RTL1: variants seen among roughly 807,000 people sequenced by gnomAD.
The protein encoded by RTL1 is retrotransposon Gag like 1, also known as retrotransposon-like protein 1.
For missense variants in RTL1, 1,681 were observed against 1,767.5 expected, an observed-to-expected ratio of 0.95 and a Z score of 0.88; for synonymous variants, 727 against 748.4, an observed-to-expected ratio of 0.97 and a Z score of 0.47.
At chr14:100,888,514 C>T (rs1016258410) in intron 3 of RTL1, among the ~76,000 whole-genome samples, 2 of 152,142 alleles carry the variant, frequency 1.3e-5, no homozygotes, top group Non-Finnish European at 2.9e-5. Flanking sequence ...ATCATGTCAT[C>T]CCTTAAAGTC....
rs1354470795 is a variant in RTL1 at position 100,882,355 on chromosome 14, A to T, written c.2434T>A (p.Phe812Ile). 2.6e-5 allele frequency: 40 copies of T among 1,551,554 alleles called. No individual in the cohort carries two copies. The highest frequency in any genetic ancestry group is 3.5e-5 in the Non-Finnish European group (40 of 1,146,970). The stretch of plus-strand genomic sequence containing the variant: ...CGGTAGGGGAAGACGAATTCGATGA[A>T]GTTTCGCAGAGATAGCTTGGAGCCA... ...TPGSKLSLRN[F>I]IEFVFPYRHF... The change falls in exon 4 of 4, where the codon TTC becomes ATC. Residue 812 changes from phenylalanine to isoleucine, a missense_variant. Coordinates refer to ENST00000649591, the MANE Select transcript of RTL1 (RefSeq NM_001134888.3).
intron 2 of RTL1, among the ~76,000 whole-genome samples, chr14:100,894,526 G>T (rs1257477834): frequency 2.0e-5 from 3 of 152,154 alleles, no homozygotes; most frequent in African/African-American, 4.8e-5. Flanking sequence ...ACCCCATGGG[G>T]TTTTTGTCCT....
chr14:100,883,079 T>C lies in RTL1; in HGVS notation c.1710A>G (p.Glu570=), dbSNP rs1462432516. 6.2e-7 allele frequency: 1 copy of C among 1,614,032 alleles called. No individual in the cohort carries two copies. The highest frequency in any genetic ancestry group is 1.1e-5 in the South Asian group (1 of 91,028). ...SDLADVFNPK[E]ADDETSDQPS... is the part of the protein sequence containing the mutation. ...GCTGGTCGGAAGTCTCATCATCTGCTTCCTTCGGGTTAAACACGTCGGCCA... is the reference window on the plus strand; with the variant it reads ...GCTGGTCGGAAGTCTCATCATCTGCCTCCTTCGGGTTAAACACGTCGGCCA... Residue 570 remains glutamate (E), a synonymous_variant, in exon 4 of 4, where the codon GAA becomes GAG. Coordinates refer to ENST00000649591, the MANE Select transcript of RTL1 (RefSeq NM_001134888.3). This position sits in a 1 kb window ranked among gnomAD's most constrained non-coding sequence, Gnocchi z 5.9.
intron 3 of RTL1, among the ~76,000 whole-genome samples, chr14:100,889,010 G>A (rs1241906387): frequency 4.6e-5 from 7 of 152,078 alleles, no homozygotes; most frequent in East Asian, 1.9e-4. Flanking sequence ...TCCCAAAGCC[G>A]TTACCCGTAA....
At chr14:100,887,331 T>C (rs557318089) in intron 3 of RTL1, among the ~76,000 whole-genome samples, 6 of 152,246 alleles carry the variant, frequency 3.9e-5, no homozygotes, top group Non-Finnish European at 4.4e-5. Flanking sequence ...TGCTTAAAGC[T>C]TTATTCTATC....
chr14:100,888,516 CT>C (rs1341342843), intron 3 of RTL1, among the ~76,000 whole-genome samples: 2 of 152,280 alleles, frequency 1.3e-5, no homozygotes, highest in Admixed American at 1.3e-4. Flanking sequence ...CATGTCATCC[CT>C]TAAAGTCAAA....
rs1275680704 is a variant in RTL1 at position 100,884,140 on chromosome 14, T to C, written c.649A>G (p.Ile217Val). The C allele has an allele frequency of 1.2e-5, 19 of 1,551,632 alleles. No individual in the cohort carries two copies. Among genetic ancestry groups the C allele is most frequent in the African/African-American group, 4.1e-5 (3 of 73,068 alleles). The change falls in exon 4 of 4, where the codon ATC becomes GTC. Residue 217 changes from isoleucine to valine, a missense_variant. By Grantham distance (29) the Ile-to-Val change is conservative. Coordinates refer to ENST00000649591, the MANE Select transcript of RTL1 (RefSeq NM_001134888.3). Reference protein sequence around the residue: ...SGDRREFHEFIVLCQLTLQSY... With the variant: ...SGDRREFHEFVVLCQLTLQSY... The stretch of plus-strand genomic sequence containing the variant: ...TGTAAGGTCAGTTGGCAGAGTACGA[T>C]GAACTCGTGGAATTCTCTGCGATCG...
At chr14:100,896,106 T>C (rs1002018762) in intron 2 of RTL1, among the ~76,000 whole-genome samples, 2 of 151,292 alleles carry the variant, frequency 1.3e-5, no homozygotes, top group East Asian at 1.9e-4. Flanking sequence ...TGCAAAACTA[T>C]AGCAATCACC....
In RTL1 at chr14:100,883,358, C is replaced by A. The variant is rs780011960; in HGVS notation, c.1431G>T (p.Glu477Asp). ...GGTTCTGGTGGATACACACCAGGGG[C>A]TCCGTGTAGAGCCAGACAGGCTCGT... is the stretch of plus-strand genomic sequence containing the variant. ...IGNEPVWLYT[E>D]PLVCIHQNHQ... The change falls in exon 4 of 4, where the codon GAG (glutamate) becomes GAT (aspartate). Residue 477 changes from glutamate (E) to aspartate (D), a missense_variant. Physicochemically the swap from Glu to Asp is conservative, Grantham distance 45. Coordinates refer to ENST00000649591, the MANE Select transcript of RTL1 (RefSeq NM_001134888.3). The surrounding 1 kb of genome is among the most constrained non-coding windows in gnomAD (Gnocchi z 5.9). 4 of 1,551,434 alleles carry A rather than the reference C, an allele frequency of 2.6e-6. No individual in the cohort carries two copies. The highest frequency in any genetic ancestry group is 3.5e-6 in the Non-Finnish European group (4 of 1,146,868).
chr14:100,884,468 G>A lies in RTL1; in HGVS notation c.321C>T (p.His107=), dbSNP rs761019821. 6 of 1,614,174 alleles carry A rather than the reference G, an allele frequency of 3.7e-6. No individual in the cohort carries two copies. The highest frequency in any genetic ancestry group is 2.2e-5 in the East Asian group (1 of 44,874). The change falls in exon 4 of 4, where the codon CAC becomes CAT. Residue 107 remains histidine, a synonymous_variant. Coordinates refer to ENST00000649591, the MANE Select transcript of RTL1 (RefSeq NM_001134888.3). ...QDLEESCNGS[H]QARGDPLSGA... is the part of the protein sequence containing the mutation. ...CACTGAGTGGATCCCCCCTTGCCTG[G>A]TGTGAACCGTTGCATGACTCCTCCA...
chr14:100,890,942 C>T (rs1400715808), intron 3 of RTL1, among the ~76,000 whole-genome samples: 1 of 152,088 alleles, frequency 6.6e-6, no homozygotes, highest in Non-Finnish European at 1.5e-5. Context: ...TTGTTGAACT[C>T]GTGTCAAGGT....
chr14:100,895,299 G>C (rs2038840060), intron 2 of RTL1, among the ~76,000 whole-genome samples: 2 of 152,146 alleles, frequency 1.3e-5, no homozygotes, highest in Admixed American at 1.3e-4. Context: ...AGGGGAGATG[G>C]ATGACTGTGG....
At chr14:100,901,646 CCACT>C (rs997780691) in intron 2 of RTL1, among the ~76,000 whole-genome samples, 3 of 152,234 alleles carry the variant, frequency 2.0e-5, no homozygotes, top group Non-Finnish European at 4.4e-5. Flanking sequence ...CTCGCTCCTT[CCACT>C]CACTCTGCCA....
At position 100,883,199 on chromosome 14, in the gene RTL1, G is replaced by A. The variant is rs373673512; in HGVS notation, c.1590C>T (p.Cys530=). The change falls in exon 4 of 4, where the codon TGC becomes TGT. Residue 530 remains cysteine, a synonymous_variant. Coordinates refer to ENST00000649591, the MANE Select transcript of RTL1 (RefSeq NM_001134888.3). The surrounding 1 kb of genome is among the most constrained non-coding windows in gnomAD (Gnocchi z 5.9). ...KGRCTFHSPY[C]LKNCFRPPPP... is the part of the protein sequence containing the mutation. Reference sequence around the variant, plus strand: ...GGGGCGGGCGGAAGCAGTTCTTCAGGCAGTAGGGAGAGTGGAAGGTGCAGC... The same window carrying A: ...GGGGCGGGCGGAAGCAGTTCTTCAGACAGTAGGGAGAGTGGAAGGTGCAGC... The A allele has an allele frequency of 1.4e-4, 225 of 1,559,986 alleles. No individual in the cohort carries two copies. The highest frequency in any genetic ancestry group is 1.7e-4 in the Non-Finnish European group (193 of 1,150,378).
chr14:100,883,122 G>T lies in RTL1; in HGVS notation c.1667C>A (p.Pro556Gln). ...RHGMSLLPGL[P>Q]HPYSDLADVF... Reference sequence around the variant, plus strand: ...GTCGGCCAGGTCTGAGTATGGGTGTGGCAGTCCGGGTAGCAGGCTCATGCC... The same window carrying T: ...GTCGGCCAGGTCTGAGTATGGGTGTTGCAGTCCGGGTAGCAGGCTCATGCC... The change falls in exon 4 of 4, where the codon CCA becomes CAA. Residue 556 changes from proline (P) to glutamine (Q), a missense_variant. By Grantham distance (76) the Pro-to-Gln change is moderately conservative (BLOSUM62 -1). Coordinates refer to ENST00000649591, the MANE Select transcript of RTL1 (RefSeq NM_001134888.3). The surrounding 1 kb of genome is among the most constrained non-coding windows in gnomAD (Gnocchi z 5.9). 6.2e-7 allele frequency: 1 copy of T among 1,612,068 alleles called. No homozygotes were observed. The highest frequency in any genetic ancestry group is 2.2e-5 in the East Asian group (1 of 44,864).
intron 2 of RTL1, among the ~76,000 whole-genome samples, chr14:100,902,057 G>C (rs2038949294): frequency 6.6e-6 from 1 of 152,208 alleles, no homozygotes; most frequent in Non-Finnish European, 1.5e-5. Flanking sequence ...AAACCGTGCT[G>C]CAGCCTTCTC....
intron 2 of RTL1, among the ~76,000 whole-genome samples, chr14:100,895,992 G>A (rs1017098664): frequency 6.6e-6 from 1 of 151,010 alleles, no homozygotes; most frequent in Non-Finnish European, 1.5e-5. Context: ...AGAATTGCTC[G>A]AACCTGGAAG....
Position 100,882,165 on chromosome 14 carries a change from A to G in RTL1, c.2624T>C (p.Phe875Ser). The change falls in exon 4 of 4, where the codon TTC becomes TCC. Residue 875 changes from phenylalanine (F) to serine (S), a missense_variant. By Grantham distance (155) the Phe-to-Ser change is radical. Transcript: ENST00000649591. ...GCCGGTGACGCCGGTTTCCAAGTAG[A>G]ATGGGTTCTGGGGCTTGGGGTGGTG... is the stretch of plus-strand genomic sequence containing the variant. Reference protein sequence around the residue: ...LLHHPKPQNPFYLETGVTGTA... With the variant: ...LLHHPKPQNPSYLETGVTGTA... The G allele has an allele frequency of 6.4e-7, 1 of 1,550,506 alleles. No homozygotes were observed.
At position 100,883,687 on chromosome 14, in the gene RTL1, G is replaced by C; in HGVS notation, c.1102C>G (p.Leu368Val). 6.4e-7 allele frequency: 1 copy of C among 1,551,618 alleles called. No individual in the cohort carries two copies. Among genetic ancestry groups the C allele is most frequent in the Non-Finnish European group, 8.7e-7 (1 of 1,146,990 alleles). ...EEKLAERRAM[L>V]RLPPEARPRN... ...GGGCGGGCCTCGGGGGGCAGCCTGA[G>C]CATAGCTCTTCTCTCTGCCAGCTTC... Residue 368 changes from leucine to valine, a missense_variant, in exon 4 of 4, where the codon CTC becomes GTC. Coordinates refer to ENST00000649591, the MANE Select transcript of RTL1 (RefSeq NM_001134888.3). This position sits in a 1 kb window ranked among gnomAD's most constrained non-coding sequence, Gnocchi z 5.9.
Sources: allele counts gnomAD v4.1 joint callset (sites outside exome capture counted in the v4.1 genomes callset), GRCh38; gene constraint gnomAD v4.1.1; non-coding constraint Gnocchi (gnomAD v3.1); transcripts MANE v1.5; gene names NCBI Gene and HGNC (gene_info 2026-07-23, HGNC 2026-07-21).